Variants in ANKRA2 observed in about 807,000 individuals in gnomAD.
ANKRA2 encodes ankyrin repeat family A member 2, also known as ankyrin repeat family A protein 2.
In ANKRA2, 33 loss-of-function variants were observed where a neutral mutation model predicts 37.8. The ratio of observed to expected loss-of-function variants is 0.87; its 90% CI spans 0.66 to 1.17. The LOEUF (loss-of-function observed/expected upper bound fraction) is 1.17. Among genes scored for constraint, ANKRA2 ranks in the 50% most tolerant of loss-of-function variants. The pLI is 0.00. For missense variants in ANKRA2, 326 were observed against 373.7 expected, an observed-to-expected ratio of 0.87 and a Z score of 1.05; for synonymous variants, 126 against 132.3, an observed-to-expected ratio of 0.95 and a Z score of 0.33.
chr5:73,553,421 G>C lies in ANKRA2; in HGVS notation c.871C>G (p.Leu291Val), dbSNP rs1033166503. ...ACATACTTACCACTTCTATAGCCTA[G>C]GGCTACAGCTAGATCCATAGAATTA... ...GYNSMDLAVA[L>V]GYRSVQQVIE... Residue 291 changes from leucine (L) to valine (V), a missense_variant, in exon 8 of 9, where the codon CTA becomes GTA. Leu to Val is a conservative substitution (Grantham distance 32, BLOSUM62 1). Coordinates refer to ENST00000296785, the MANE Select transcript of ANKRA2 (RefSeq NM_023039.5). 1.9e-6 allele frequency: 3 copies of C among 1,612,768 alleles called. No homozygotes were observed. The highest frequency in any genetic ancestry group is 8.5e-7 in the Non-Finnish European group (1 of 1,179,240).
chr5:73,562,805 C>A lies in ANKRA2; in HGVS notation c.77G>T (p.Gly26Val). Reference protein sequence around the residue: ...EECPSTYSLTGMPDIKIEHPL... With the variant: ...EECPSTYSLTVMPDIKIEHPL... The stretch of plus-strand genomic sequence containing the variant: ...ATGTTCTATTTTAATGTCTGGCATG[C>A]CAGTTAGGCTATAAGTGCTGGGACA... Residue 26 changes from glycine (G) to valine (V), a missense_variant, in exon 2 of 9, where the codon GGC becomes GTC. By Grantham distance (109) the Gly-to-Val change is moderately radical (BLOSUM62 -3). Transcript: ENST00000296785. 1 of 1,614,118 alleles carries A rather than the reference C, an allele frequency of 6.2e-7. No individual in the cohort carries two copies. Among genetic ancestry groups the A allele is most frequent in the Non-Finnish European group, 8.5e-7 (1 of 1,179,988 alleles).
chr5:73,560,802 C>T (rs190585574), intron 3 of ANKRA2, among the ~76,000 whole-genome samples: 43 of 152,320 alleles, frequency 2.8e-4, no homozygotes, highest in Non-Finnish European at 5.3e-4. Context: ...TCAGCATCTA[C>T]TCCCCTCTCC....
At chr5:73,554,425 T>C (rs1159703198) in intron 6 of ANKRA2, 37 bp from the exon 7 acceptor site, 1 of 1,430,250 alleles carries the variant, frequency 7.0e-7, no homozygotes, top group East Asian at 2.3e-5. Flanking sequence ...TTTTTCACGG[T>C]GAGCAAGACT....
At chr5:73,560,522 G>C (rs1466622470) in intron 3 of ANKRA2, among the ~76,000 whole-genome samples, 1 of 151,918 alleles carries the variant, frequency 6.6e-6, no homozygotes, top group Non-Finnish European at 1.5e-5. Flanking sequence ...CACCACGCCT[G>C]GCTATTTTTT....
chr5:73,555,290 T>C (rs1683650116), intron 5 of ANKRA2, 198 bp downstream of exon 5: 2 of 1,205,362 alleles, frequency 1.7e-6, no homozygotes, highest in Admixed American at 5.8e-5. Context: ...GGTCTGGGCG[T>C]TAAATTATTT....
chr5:73,554,260 G>A, intron 7 of ANKRA2, 62 bp downstream of exon 7: 1 of 1,358,044 alleles, frequency 7.4e-7, no homozygotes, highest in Non-Finnish European at 1.0e-6. Flanking sequence ...ACCAGGGGAG[G>A]CCAGGTCGAA....
At chr5:73,563,705 G>T (rs182746125) in intron 1 of ANKRA2, among the ~76,000 whole-genome samples, 233 of 152,198 alleles carry the variant, frequency 1.5e-3, no homozygotes, top group African/African-American at 5.5e-3. Flanking sequence ...TTATCATTTG[G>T]GACAGAAAGG....
intron 4 of ANKRA2, among the ~76,000 whole-genome samples, chr5:73,556,963 A>AT (rs1747412120): frequency 1.3e-5 from 2 of 149,366 alleles, no homozygotes; most frequent in East Asian, 3.9e-4. Flanking sequence ...TTATATATAT[A>AT]AAATATATAT....
At chr5:73,563,422 C>A (rs1367551316) in intron 1 of ANKRA2, among the ~76,000 whole-genome samples, 3 of 152,136 alleles carry the variant, frequency 2.0e-5, no homozygotes, top group Non-Finnish European at 4.4e-5. Context: ...AAGGTTAGTT[C>A]TTTAATATGC....
At chr5:73,564,776 AG>A (rs1302589328) in intron 1 of ANKRA2, among the ~76,000 whole-genome samples, 2 of 152,044 alleles carry the variant, frequency 1.3e-5, no homozygotes, top group Non-Finnish European at 2.9e-5. Context: ...GCTTAGGCGA[AG>A]GGGGTGGGTG....
Position 73,554,895 on chromosome 5 carries a change from A to T in ANKRA2, c.704T>A (p.Leu235His). The T allele has an allele frequency of 6.2e-7, 1 of 1,613,980 alleles. No homozygotes were observed. The highest frequency in any genetic ancestry group is 1.1e-5 in the South Asian group (1 of 91,080). Residue 235 changes from leucine to histidine, a missense_variant, in exon 6 of 9, where the codon CTT becomes CAT. Physicochemically the swap from Leu to His is moderately conservative, Grantham distance 99. This residue lies in a region of ANKRA2 where 228 missense variants were observed against 260.2 expected (regional missense o/e 0.88). Coordinates refer to ENST00000296785, the MANE Select transcript of ANKRA2 (RefSeq NM_023039.5). Reference protein sequence around the residue: ...KGYTDIVKMLLDCGVDVNEYD... With the variant: ...KGYTDIVKMLHDCGVDVNEYD... ...TTCATTTACATCAACTCCACAATCA[A>T]GCAGCATTTTGACAATATCTGTGTA...
intron 3 of ANKRA2, among the ~76,000 whole-genome samples, chr5:73,560,263 A>C (rs1747510967): frequency 6.6e-6 from 1 of 152,228 alleles, no homozygotes; most frequent in African/African-American, 2.4e-5. Flanking sequence ...ATTAAAGCCA[A>C]TTCACAAATC....
chr5:73,555,421 TA>T (rs1347470228), intron 5 of ANKRA2, 66 bp downstream of exon 5: 1 of 1,589,846 alleles, frequency 6.3e-7, no homozygotes, highest in Non-Finnish European at 8.6e-7. Flanking sequence ...GCTGGATATA[TA>T]AAAACTCTAC....
At chr5:73,562,072 A>C (rs1026637397) in intron 2 of ANKRA2, among the ~76,000 whole-genome samples, 4 of 152,124 alleles carry the variant, frequency 2.6e-5, no homozygotes, top group Admixed American at 2.0e-4. Context: ...GCTGGAGTAC[A>C]GTGGCACAGT....
At chr5:73,563,751 G>C (rs1389171185) in intron 1 of ANKRA2, among the ~76,000 whole-genome samples, 1 of 96,742 alleles carries the variant, frequency 1.0e-5, no homozygotes, top group Non-Finnish European at 2.4e-5. Context: ...TTCATGTTAG[G>C]GTTAATTGCC....
intron 2 of ANKRA2, 103 bp from the exon 3 acceptor site, chr5:73,561,391 T>TG: frequency 9.3e-7 from 1 of 1,074,688 alleles, no homozygotes; most frequent in Non-Finnish European, 1.4e-6. Flanking sequence ...TAGCTTCAAT[T>TG]AAACTATTTA....
At chr5:73,559,273 T>C (rs1021344447) in intron 3 of ANKRA2, among the ~76,000 whole-genome samples, 3 of 152,234 alleles carry the variant, frequency 2.0e-5, no homozygotes, top group African/African-American at 7.2e-5. Context: ...AGAATATAGA[T>C]ATATTTATCT....
intron 3 of ANKRA2, among the ~76,000 whole-genome samples, chr5:73,557,920 T>G (rs1278346146): frequency 6.6e-6 from 1 of 151,976 alleles, no homozygotes; most frequent in Non-Finnish European, 1.5e-5. Flanking sequence ...CTACAAAAAA[T>G]ACAAAAATTA....
chr5:73,552,669 ATATT>A lies in ANKRA2; in HGVS notation c.*124_*127del. On this transcript the variant is annotated 3_prime_UTR_variant, in exon 9 of 9. Transcript: ENST00000296785. ...ATAAACCAGTGAATTACTCAGAGAA[ATATT>A]TATTAAAACCTACTAAAAACCAGTA... 1.3e-6 allele frequency: 1 copy of A among 757,516 alleles called. No homozygotes were observed. Among genetic ancestry groups the A allele is most frequent in the East Asian group, 2.7e-5 (1 of 36,682 alleles). 46.9% of individuals were successfully genotyped at this position (757,516 alleles called of 1,614,324 possible). A position where few individuals can be genotyped will look rare whatever the true frequency, so the allele number is the denominator to read the frequency against.
Sources: allele counts gnomAD v4.1 joint callset (sites outside exome capture counted in the v4.1 genomes callset), GRCh38; gene constraint gnomAD v4.1.1; regional missense constraint gnomAD v4.1.1; transcripts MANE v1.5; gene names NCBI Gene and HGNC (gene_info 2026-07-23, HGNC 2026-07-21).